Variants in PPP1R13B observed in about 807,000 individuals in gnomAD.
PPP1R13B encodes the protein protein phosphatase 1 regulatory subunit 13B, also known as apoptosis-stimulating of p53 protein 1.
Under a neutral mutation model 119.8 loss-of-function variants are expected in PPP1R13B, and 44 were observed. That is an observed-to-expected ratio of 0.37 (90% CI 0.29 to 0.47). The LOEUF is 0.47. Ranked by LOEUF, PPP1R13B falls within the 20% of genes least tolerant of loss-of-function variation. PPP1R13B has a pLI of 0.99. For synonymous variants in PPP1R13B, 542 were observed against 561.5 expected (o/e 0.97, Z 0.49); for missense variants, 1,227 against 1,413.5 (o/e 0.87, Z 2.12).
intron 12 of PPP1R13B, 60 bp from the exon 13 acceptor site, chr14:103,739,083 C>A (rs1409863597): frequency 1.3e-6 from 2 of 1,561,644 alleles, no homozygotes; most frequent in Non-Finnish European, 8.7e-7. Context: ...TAAGAACCCA[C>A]GCCTGCTGGG....
At chr14:103,779,255 C>T (rs2085282990) in intron 3 of PPP1R13B, among the ~76,000 whole-genome samples, 1 of 151,894 alleles carries the variant, frequency 6.6e-6, no homozygotes, top group South Asian at 2.1e-4. Context: ...GGCTACTGCA[C>T]AATCTTGCTC....
In PPP1R13B at chr14:103,789,032, C is replaced by T. The variant is rs2085542582; in HGVS notation, c.158-4118G>A. ...CCCTCCAGAAACATCTTCCCCAACA[C>T]CTCTTTATATGCTAATGACTGATTT... On this transcript the variant is annotated intron_variant, in intron 2 of 16. Transcript: ENST00000202556. Among the ~76,000 whole-genome samples, 2 of 152,118 alleles carry T rather than the reference C, an allele frequency of 1.3e-5. 1 individual carries two copies. Among genetic ancestry groups the T allele is most frequent in the Non-Finnish European group, 2.9e-5 (2 of 68,024 alleles).
At chr14:103,750,948 G>T (rs2084528351) in intron 7 of PPP1R13B, among the ~76,000 whole-genome samples, 1 of 151,764 alleles carries the variant, frequency 6.6e-6, no homozygotes, top group African/African-American at 2.4e-5. Flanking sequence ...GAGGTCAGGA[G>T]TTCGAGACCA....
chr14:103,791,592 GCACACGC>G (rs2085622438), intron 2 of PPP1R13B, among the ~76,000 whole-genome samples: 1 of 152,150 alleles, frequency 6.6e-6, no homozygotes, highest in Admixed American at 6.6e-5. Flanking sequence ...AGGCGTGGTG[GCACACGC>G]CTATAATCCC....
At chr14:103,736,371 T>TA (rs780090804) in intron 15 of PPP1R13B, 169 bp from the exon 16 acceptor site, 40 of 662,960 alleles carry the variant, frequency 6.0e-5, no homozygotes, top group Non-Finnish European at 1.0e-4. Flanking sequence ...CCCCACCCGA[T>TA]ACCTCCCCTG....
chr14:103,764,980 G>A (rs1194268691), intron 4 of PPP1R13B, among the ~76,000 whole-genome samples: 1 of 152,000 alleles, frequency 6.6e-6, no homozygotes, highest in Non-Finnish European at 1.5e-5. Context: ...CACCACGCCC[G>A]GCTAATCTTT....
Position 103,735,017 on chromosome 14 carries a change from C to G in PPP1R13B, c.*137G>C. ...GGCCTCACCTGGAAACTGTAGGATT[C>G]ACATTGTGGACGCTGTCTGCTAAAG... On this transcript the variant is annotated 3_prime_UTR_variant, in exon 17 of 17. Transcript: ENST00000202556. 1 of 967,852 alleles carries G rather than the reference C, an allele frequency of 1.0e-6. No individual in the cohort carries two copies. The allele number at this position is 967,852 out of a possible 1,614,324, so 60.0% of individuals were successfully genotyped here. A position where few individuals can be genotyped will look rare whatever the true frequency, so the allele number is the denominator to read the frequency against.
intron 8 of PPP1R13B, among the ~76,000 whole-genome samples, chr14:103,749,127 T>C (rs1028345659): frequency 4.6e-5 from 7 of 152,224 alleles, no homozygotes; most frequent in Non-Finnish European, 8.8e-5. Flanking sequence ...AAATCTTTGA[T>C]ACTGAATTTC....
chr14:103,745,518 G>T (rs999446372), intron 9 of PPP1R13B, among the ~76,000 whole-genome samples: 1 of 152,234 alleles, frequency 6.6e-6, no homozygotes, highest in Non-Finnish European at 1.5e-5. Context: ...TAATGCACTG[G>T]TTGAGAAACA....
intron 2 of PPP1R13B, among the ~76,000 whole-genome samples, chr14:103,791,405 A>T (rs1381878180): frequency 1.3e-5 from 2 of 152,260 alleles, no homozygotes; most frequent in Non-Finnish European, 2.9e-5. Context: ...TCTGTAGAGC[A>T]AAAAACAATG....
chr14:103,814,491 TAAA>T (rs1457544924), intron 1 of PPP1R13B, among the ~76,000 whole-genome samples: 1 of 152,000 alleles, frequency 6.6e-6, no homozygotes, highest in East Asian at 1.9e-4. Context: ...TGCTTCAAAA[TAAA>T]AAAGATAAGG....
At chr14:103,848,105 C>T (rs1378207508), upstream of PPP1R13B, among the ~76,000 whole-genome samples, 2 of 152,036 alleles carry the variant, frequency 1.3e-5, no homozygotes, top group African/African-American at 2.4e-5. Context: ...GCCGCGCGCT[C>T]GGAACCAGCC....
At chr14:103,762,729 G>T (rs894445862) in intron 4 of PPP1R13B, 9 of 659,708 alleles carry the variant, frequency 1.4e-5, no homozygotes, top group South Asian at 3.1e-5. Flanking sequence ...CGGTGGCCGT[G>T]GGGGTGAGAC....
chr14:103,801,086 G>A (rs2085890110), intron 1 of PPP1R13B, among the ~76,000 whole-genome samples: 1 of 152,086 alleles, frequency 6.6e-6, no homozygotes, highest in Non-Finnish European at 1.5e-5. Context: ...CCGACCTCAG[G>A]TGATCTACCC....
chr14:103,808,482 T>G (rs761373053), intron 1 of PPP1R13B, among the ~76,000 whole-genome samples: 1 of 152,128 alleles, frequency 6.6e-6, no homozygotes, highest in East Asian at 1.9e-4. Context: ...ATATATATCA[T>G]GATGTTTTAA....
At chr14:103,812,476 G>A (rs923477170) in intron 1 of PPP1R13B, among the ~76,000 whole-genome samples, 1 of 151,872 alleles carries the variant, frequency 6.6e-6, no homozygotes, top group African/African-American at 2.4e-5. Context: ...CTGGAGTGCC[G>A]TGGCACAAGC....
chr14:103,774,947 C>T (rs908439945), intron 4 of PPP1R13B, among the ~76,000 whole-genome samples: 1 of 152,142 alleles, frequency 6.6e-6, no homozygotes, highest in Admixed American at 6.6e-5. Flanking sequence ...TCATACCTTC[C>T]TCTAATTACA....
chr14:103,733,336 T>C lies in PPP1R13B; in HGVS notation c.*1818A>G. 3.4e-6 allele frequency: 1 copy of C among 292,990 alleles called. No individual in the cohort carries two copies. The highest frequency in any genetic ancestry group is 6.5e-6 in the Non-Finnish European group (1 of 153,882). 18.1% of individuals were successfully genotyped at this position (292,990 alleles called of 1,614,324 possible). On this transcript the variant is annotated 3_prime_UTR_variant, in exon 17 of 17. Coordinates refer to ENST00000202556, the MANE Select transcript of PPP1R13B (RefSeq NM_015316.3). Reference sequence around the variant, plus strand: ...CATTTTTATGAGTTCGCAGGTCTACTAGAAGGTTCTGGCCCATCAATATTC... The same window carrying C: ...CATTTTTATGAGTTCGCAGGTCTACCAGAAGGTTCTGGCCCATCAATATTC...
chr14:103,830,017 T>G (rs1201267845), intron 1 of PPP1R13B, among the ~76,000 whole-genome samples: 1 of 151,956 alleles, frequency 6.6e-6, no homozygotes, highest in Non-Finnish European at 1.5e-5. Context: ...GATGTCATGA[T>G]CCACCCACCT....
Sources: allele counts gnomAD v4.1 joint callset (sites outside exome capture counted in the v4.1 genomes callset), GRCh38; gene constraint gnomAD v4.1.1; transcripts MANE v1.5; gene names NCBI Gene and HGNC (gene_info 2026-07-23, HGNC 2026-07-21).